The following DLG2 variants were observed in gnomAD, a reference collection of about 807,000 sequenced individuals.
DLG2 encodes the protein discs large MAGUK scaffold protein 2, also known as disks large homolog 2.
Under a neutral mutation model 132.5 loss-of-function variants are expected in DLG2, and 45 were observed. The observed-to-expected ratio is 0.34, with a 90% CI of 0.27 to 0.44. The LOEUF (loss-of-function observed/expected upper bound fraction) is 0.44, where lower values mean the gene tolerates loss of function less well. DLG2 is among the 20% of genes least tolerant of loss of function. The probability of loss-of-function intolerance (pLI) is 1.00; values close to 1 mark genes in which losing one functional copy is unlikely to be tolerated. For missense variants in DLG2, 1,045 were observed against 1,196.9 expected (o/e 0.87, Z 1.87); for synonymous variants, 424 against 419.6 (o/e 1.01, Z -0.13).
Position 85,496,898 on chromosome 11 carries a change from G to A in DLG2, c.40+101759C>T, listed in dbSNP as rs182349310. Among the ~76,000 whole-genome samples the A allele has an allele frequency of 8.5e-5, 13 of 152,162 alleles. No individual in the cohort carries two copies. In the South Asian group the frequency reaches 1.5e-3, roughly 17 times the overall value. On this transcript the variant is annotated intron_variant, in intron 3 of 27. Coordinates refer to ENST00000376104, the MANE Select transcript of DLG2 (RefSeq NM_001142699.3). ...TAGTATCAACGTCAACAAAAAGGAC[G>A]TCCACTCAGAGACTACAGCCAAAAG...
At chr11:84,283,891 A>G (rs1464150334) in intron 7 of DLG2, among the ~76,000 whole-genome samples, 1 of 152,108 alleles carries the variant, frequency 6.6e-6, no homozygotes, top group East Asian at 1.9e-4. Flanking sequence ...ATTTACCAGG[A>G]TTTTCTGTAT....
chr11:84,311,989 T>A (rs890837053), intron 7 of DLG2, among the ~76,000 whole-genome samples: 26 of 152,260 alleles, frequency 1.7e-4, no homozygotes, highest in Non-Finnish European at 3.4e-4. Context: ...CACTGATTCA[T>A]TTCTCTTCTC....
intron 3 of DLG2, among the ~76,000 whole-genome samples, chr11:85,488,939 C>T (rs571019450): frequency 1.3e-5 from 2 of 151,834 alleles, no homozygotes; most frequent in East Asian, 3.9e-4. Flanking sequence ...ATTAAACACA[C>T]CAAAGAGGAA....
chr11:84,308,866 CA>C (rs1567244084), intron 7 of DLG2, among the ~76,000 whole-genome samples: 1 of 152,240 alleles, frequency 6.6e-6, no homozygotes, highest in East Asian at 1.9e-4. Context: ...ACCCGGAACT[CA>C]CGCTGGCCCA....
chr11:85,302,645 T>TC (rs1174364776), intron 3 of DLG2, among the ~76,000 whole-genome samples: 1 of 139,852 alleles, frequency 7.2e-6, no homozygotes, highest in East Asian at 2.0e-4. Context: ...ACTTGAAAAG[T>TC]TAAAAAAAAA....
chr11:84,514,843 T>C (rs2099267819), intron 7 of DLG2, among the ~76,000 whole-genome samples: 1 of 151,936 alleles, frequency 6.6e-6, no homozygotes, highest in Admixed American at 6.6e-5. Context: ...AAAGGATAAA[T>C]CCTTGAAGGG....
intron 6 of DLG2, among the ~76,000 whole-genome samples, chr11:85,044,345 G>T (rs1177765298): frequency 6.6e-6 from 1 of 151,868 alleles, no homozygotes; most frequent in Non-Finnish European, 1.5e-5. Context: ...TATAAATTAA[G>T]AGGATTCAAG....
intron 6 of DLG2, among the ~76,000 whole-genome samples, chr11:84,861,285 G>T (rs932696111): frequency 1.3e-5 from 2 of 152,012 alleles, no homozygotes; most frequent in African/African-American, 4.8e-5. Context: ...TTTGTTCACG[G>T]GCCTGAGAGA....
At chr11:84,200,448 A>G (rs2096577344) in intron 8 of DLG2, among the ~76,000 whole-genome samples, 3 of 152,118 alleles carry the variant, frequency 2.0e-5, no homozygotes, top group Admixed American at 2.0e-4. Flanking sequence ...TTTAGCAGAG[A>G]CTAAGTTTCA....
At chr11:83,507,412 T>TAC (rs1343427227) in intron 21 of DLG2, among the ~76,000 whole-genome samples, 10 of 135,814 alleles carry the variant, frequency 7.4e-5, no homozygotes, top group Non-Finnish European at 1.3e-4. Context: ...TATATATATA[T>TAC]ACACACATAC....
Position 84,101,959 on chromosome 11 carries a change from C to T in DLG2, c.625-2912G>A, listed in dbSNP as rs149768821. ...TTTATTTCCAGCTTCACACTTTACC[C>T]CCCAGGAACAATGAAGTGAACTGCA... On this transcript the variant is annotated intron_variant, in intron 9 of 27. Transcript: ENST00000376104. Among the ~76,000 whole-genome samples, 16 of 152,214 alleles carry T rather than the reference C, an allele frequency of 1.1e-4. No individual in the cohort carries two copies. The East Asian group carries it at 3.1e-3, about 29-fold the overall frequency.
chr11:84,113,323 A>C (rs945677906), intron 9 of DLG2, among the ~76,000 whole-genome samples: 11 of 152,194 alleles, frequency 7.2e-5, no homozygotes, highest in Non-Finnish European at 1.2e-4. Context: ...GAAAAATAAA[A>C]ATACTGTGCA....
chr11:85,549,320 A>G (rs2076525343), intron 3 of DLG2, among the ~76,000 whole-genome samples: 1 of 152,012 alleles, frequency 6.6e-6, no homozygotes, highest in South Asian at 2.1e-4. Context: ...CCACTGTCCA[A>G]CCAGTCACAA....
intron 3 of DLG2, among the ~76,000 whole-genome samples, chr11:85,311,167 G>A (rs571221245): frequency 1.3e-5 from 2 of 152,206 alleles, no homozygotes; most frequent in South Asian, 4.2e-4. Context: ...TTGCTATTTG[G>A]CCCGTTACAG....
chr11:85,621,136 A>G (rs556184311), intron 2 of DLG2, among the ~76,000 whole-genome samples: 31 of 152,342 alleles, frequency 2.0e-4, no homozygotes, highest in African/African-American at 7.5e-4. Context: ...AAGTAGGTCA[A>G]CAAAAGCCTG....
At chr11:85,122,859 C>T (rs976058698) in intron 5 of DLG2, among the ~76,000 whole-genome samples, 4 of 146,932 alleles carry the variant, frequency 2.7e-5, no homozygotes, top group African/African-American at 1.0e-4. Context: ...TAAATGCACA[C>T]ACATATACAC....
At chr11:85,101,356 TAAG>T (rs1443469665) in intron 6 of DLG2, among the ~76,000 whole-genome samples, 2 of 152,106 alleles carry the variant, frequency 1.3e-5, no homozygotes, top group African/African-American at 4.8e-5. Context: ...TAAGAAATAT[TAAG>T]AAGACAATAC....
chr11:84,560,815 A>G (rs1384004583), intron 6 of DLG2, among the ~76,000 whole-genome samples: 1 of 152,100 alleles, frequency 6.6e-6, no homozygotes, highest in Non-Finnish European at 1.5e-5. Context: ...ACCCTTTGCC[A>G]TGAAGGAAAA....
chr11:84,256,089 G>A (rs1033321355), intron 7 of DLG2, among the ~76,000 whole-genome samples: 2 of 151,958 alleles, frequency 1.3e-5, no homozygotes, highest in Non-Finnish European at 1.5e-5. Context: ...AATGTTCTCA[G>A]ATTACATGAA....
Sources: allele counts gnomAD v4.1 joint callset (sites outside exome capture counted in the v4.1 genomes callset), GRCh38; gene constraint gnomAD v4.1.1; transcripts MANE v1.5; gene names NCBI Gene and HGNC (gene_info 2026-07-23, HGNC 2026-07-21).